Variants in AKAP8L observed in about 807,000 individuals in gnomAD.
The protein encoded by AKAP8L is A-kinase anchor protein 8-like.
AKAP8L carries 34 observed loss-of-function variants against 77.5 expected under a neutral mutation model. That is an observed-to-expected ratio of 0.44 (90% CI 0.33 to 0.58). AKAP8L has a LOEUF of 0.58. AKAP8L is among the 20% of genes least tolerant of loss of function. AKAP8L has a pLI of 0.02. For synonymous variants in AKAP8L, 342 were observed against 340.7 expected (o/e 1.00, Z -0.04); for missense variants, 806 against 887.6 (o/e 0.91, Z 1.17).
At chr19:15,382,207 A>ATT (rs762900125) in intron 12 of AKAP8L, among the ~76,000 whole-genome samples, 1 of 119,370 alleles carries the variant, frequency 8.4e-6, no homozygotes. Flanking sequence ...TCACATTTAA[A>ATT]TTTTTTTTTT....
At chr19:15,413,547 T>TC (rs1968146339) in intron 1 of AKAP8L, among the ~76,000 whole-genome samples, 1 of 152,130 alleles carries the variant, frequency 6.6e-6, no homozygotes, top group Non-Finnish European at 1.5e-5. Flanking sequence ...TCAAATGGAT[T>TC]CCTTCCAGGG....
chr19:15,388,776 C>T (rs766269131), intron 12 of AKAP8L, among the ~76,000 whole-genome samples: 1 of 151,216 alleles, frequency 6.6e-6, no homozygotes, highest in Non-Finnish European at 1.5e-5. Flanking sequence ...ATTAGCCGGG[C>T]GTGGTGGCGG....
intron 1 of AKAP8L, among the ~76,000 whole-genome samples, chr19:15,412,644 C>T (rs1003086979): frequency 6.6e-6 from 1 of 152,164 alleles, no homozygotes; most frequent in Admixed American, 6.5e-5. Flanking sequence ...CGGGTTCAAG[C>T]GATTCTCCTG....
chr19:15,399,948 C>A lies in AKAP8L; in HGVS notation c.1048+347G>T. 1 of 407,350 alleles carries A rather than the reference C, an allele frequency of 2.5e-6. No homozygotes were observed. The highest frequency in any genetic ancestry group is 3.2e-5 in the South Asian group (1 of 31,716). 25.2% of individuals were successfully genotyped at this position (407,350 alleles called of 1,614,324 possible). A position where few individuals can be genotyped will look rare whatever the true frequency, so the allele number is the denominator to read the frequency against. ...AAAAACTGCACCGAGGGTCCCAGATCGGACACCAGCCACTGAGGACTTGGA... is the reference window on the plus strand; with the variant it reads ...AAAAACTGCACCGAGGGTCCCAGATAGGACACCAGCCACTGAGGACTTGGA... On this transcript the variant is annotated intron_variant, in intron 8 of 13. Coordinates refer to ENST00000397410, the MANE Select transcript of AKAP8L (RefSeq NM_014371.4). The surrounding 1 kb of genome is among the most constrained non-coding windows in gnomAD (Gnocchi z 6.1).
At chr19:15,415,581 TGG>T (rs1221987204) in intron 1 of AKAP8L, among the ~76,000 whole-genome samples, 1 of 152,042 alleles carries the variant, frequency 6.6e-6, no homozygotes, top group African/African-American at 2.4e-5. Flanking sequence ...GTTGAACTCC[TGG>T]GCTCCAGCAA....
chr19:15,397,739 G>A lies in AKAP8L; in HGVS notation c.1274C>T (p.Pro425Leu). 1 of 1,614,000 alleles carries A rather than the reference G, an allele frequency of 6.2e-7. No homozygotes were observed. Among genetic ancestry groups the A allele is most frequent in the South Asian group, 1.1e-5 (1 of 91,072 alleles). The change falls in exon 10 of 14, where the codon CCT becomes CTT. Residue 425 changes from proline (P) to leucine (L), a missense_variant. Physicochemically the swap from Pro to Leu is moderately conservative, Grantham distance 98 (BLOSUM62 -3). Transcript: ENST00000397410. This position sits in a 1 kb window ranked among gnomAD's most constrained non-coding sequence, Gnocchi z 4.7. ...CTGCAGAAAGTCAGCCGTCTGCTTA[G>A]GGAGCTTGGTGCCTACGTACTTAAA... ...EHFKYVGTKL[P>L]KQTADFLQEY... is the part of the protein sequence containing the mutation.
In AKAP8L at chr19:15,410,524, A is replaced by G. The variant is rs1352434968; in HGVS notation, c.84T>C (p.Asp28=). ...YSDTSAQPTC[D]YGYGTWNSGT... ...CCACCAGAAGTCCACACTTACCATAATCACAGGTGGGCTGAGCGCTGGTAT... is the reference window on the plus strand; with the variant it reads ...CCACCAGAAGTCCACACTTACCATAGTCACAGGTGGGCTGAGCGCTGGTAT... Residue 28 remains aspartate, a synonymous_variant, in exon 2 of 14, where the codon GAT becomes GAC. Coordinates refer to ENST00000397410, the MANE Select transcript of AKAP8L (RefSeq NM_014371.4). 4 of 1,578,478 alleles carry G rather than the reference A, an allele frequency of 2.5e-6. No homozygotes were observed. Among genetic ancestry groups the G allele is most frequent in the Non-Finnish European group, 3.4e-6 (4 of 1,161,848 alleles).
At chr19:15,408,336 G>A (rs992858810) in intron 2 of AKAP8L, among the ~76,000 whole-genome samples, 6 of 151,538 alleles carry the variant, frequency 4.0e-5, no homozygotes, top group Non-Finnish European at 7.4e-5. Context: ...AGGCCAAGGC[G>A]GGTGGATCAC....
At chr19:15,395,385 G>A (rs868279876) in intron 12 of AKAP8L, among the ~76,000 whole-genome samples, 23 of 151,716 alleles carry the variant, frequency 1.5e-4, no homozygotes, top group Middle Eastern at 6.8e-3. Context: ...GCGCAATCTC[G>A]GCTCACTGCC....
At chr19:15,388,927 G>T (rs1967599141) in intron 12 of AKAP8L, among the ~76,000 whole-genome samples, 1 of 129,788 alleles carries the variant, frequency 7.7e-6, no homozygotes, top group Non-Finnish European at 1.6e-5. Context: ...AAAAAAGAGT[G>T]AACTTGGCCG....
chr19:15,394,255 C>T (rs1967723174), intron 12 of AKAP8L, among the ~76,000 whole-genome samples: 1 of 152,134 alleles, frequency 6.6e-6, no homozygotes, highest in Non-Finnish European at 1.5e-5. Flanking sequence ...GAATGAAGTT[C>T]TGATACATGC....
intron 1 of AKAP8L, among the ~76,000 whole-genome samples, chr19:15,414,575 G>A (rs1429501751): frequency 2.0e-5 from 3 of 151,602 alleles, no homozygotes; most frequent in Non-Finnish European, 2.9e-5. Context: ...TGCAAGCTCC[G>A]CCTCCTGGGG....
In AKAP8L at chr19:15,401,592, T is replaced by TA; in HGVS notation, c.373dup (p.Tyr125LeufsTer2). 1 of 1,595,550 alleles carries TA rather than the reference T, an allele frequency of 6.3e-7. No homozygotes were observed. The highest frequency in any genetic ancestry group is 8.5e-7 in the Non-Finnish European group (1 of 1,172,128). ...GACGGCCCTCGAGTCGCAGGACTCA[T>TA]AAGAGTCATACCTGCAGAGGCATGG... On this transcript the variant is annotated frameshift_variant, in exon 5 of 14. Coordinates refer to ENST00000397410, the MANE Select transcript of AKAP8L (RefSeq NM_014371.4). LOFTEE classifies it high-confidence loss of function. The surrounding 1 kb of genome is among the most constrained non-coding windows in gnomAD (Gnocchi z 6.2).
chr19:15,386,949 G>T (rs976706634), intron 12 of AKAP8L, among the ~76,000 whole-genome samples: 4 of 152,088 alleles, frequency 2.6e-5, no homozygotes, highest in African/African-American at 9.7e-5. Flanking sequence ...GTGAGCCACT[G>T]TACCCAGCCG....
chr19:15,390,163 C>T (rs1261677767), intron 12 of AKAP8L, among the ~76,000 whole-genome samples: 2 of 151,978 alleles, frequency 1.3e-5, no homozygotes, highest in African/African-American at 2.4e-5. Flanking sequence ...TGCCTATAAT[C>T]CCAGCACTTT....
In AKAP8L at chr19:15,401,671, T is replaced by C; in HGVS notation, c.363-68A>G. 1.5e-6 allele frequency: 2 copies of C among 1,294,280 alleles called. No homozygotes were observed. The highest frequency in any genetic ancestry group is 2.1e-6 in the Non-Finnish European group (2 of 948,620). 80.2% of individuals were successfully genotyped at this position (1,294,280 alleles called of 1,614,324 possible). A position where few individuals can be genotyped will look rare whatever the true frequency, so the allele number is the denominator to read the frequency against. On this transcript the variant is annotated intron_variant, in intron 4 of 13. Transcript: ENST00000397410. The surrounding 1 kb of genome is among the most constrained non-coding windows in gnomAD (Gnocchi z 6.2). ...TCCCTCACCTCCAGGCAACTGCTCC[T>C]GCCCTCCCCAATCTCCCAGTCCAGC...
At chr19:15,387,387 C>G (rs185064923) in intron 12 of AKAP8L, among the ~76,000 whole-genome samples, 61 of 152,196 alleles carry the variant, frequency 4.0e-4, no homozygotes, top group African/African-American at 1.5e-3. Flanking sequence ...AAGACTAGGG[C>G]CTCTCTCAAA....
intron 12 of AKAP8L, among the ~76,000 whole-genome samples, chr19:15,394,687 G>T (rs1967732802): frequency 6.6e-6 from 1 of 152,022 alleles, no homozygotes; most frequent in Non-Finnish European, 1.5e-5. Flanking sequence ...GGGATTGCAG[G>T]CATGAGCCAC....
intron 4 of AKAP8L, among the ~76,000 whole-genome samples, chr19:15,402,768 G>A (rs977781668): frequency 2.0e-5 from 3 of 152,128 alleles, no homozygotes; most frequent in African/African-American, 7.2e-5. Context: ...CCAAAGCCTC[G>A]CACTGGGCAT....
Sources: gnomAD v4.1 joint callset for allele counts (sites outside exome capture counted in the v4.1 genomes callset) on GRCh38, gnomAD v4.1.1 for gene constraint, Gnocchi (gnomAD v3.1) non-coding constraint, MANE v1.5 for transcripts, NCBI Gene and HGNC (gene_info 2026-07-23, HGNC 2026-07-21) for gene names.